The following KLHL29 variants were observed in gnomAD, a reference collection of about 807,000 sequenced individuals.
KLHL29 encodes the protein kelch like family member 29.
KLHL29 carries 21 observed loss-of-function variants against 80.4 expected under a neutral mutation model. The ratio of observed to expected loss-of-function variants is 0.26; its 90% CI spans 0.19 to 0.38. The LOEUF is 0.38. KLHL29 is among the 10% of genes least tolerant of loss of function. KLHL29 has a pLI of 1.00. For missense variants in KLHL29, 867 were observed against 1,223.9 expected (o/e 0.71, Z 4.35); for synonymous variants, 511 against 526.8 (o/e 0.97, Z 0.41).
rs553347263 is a variant in KLHL29, at chr2:23,431,606, G to A, written c.-153-43954G>A. Among the ~76,000 whole-genome samples the A allele has an allele frequency of 8.5e-5, 13 of 152,192 alleles. No individual in the cohort carries two copies. In the South Asian group the frequency reaches 2.7e-3, roughly 32 times the overall value. On this transcript the variant is annotated intron_variant, in intron 1 of 13. Transcript: ENST00000486442. ...TCTTTTTTTTCTTATTAAAAAAGCAGTGAAGGCCGGGCGCGGTGGCTCACG... is the reference window on the plus strand; with the variant it reads ...TCTTTTTTTTCTTATTAAAAAAGCAATGAAGGCCGGGCGCGGTGGCTCACG...
Position 23,546,207 on chromosome 2 carries a change from G to T in KLHL29, c.-45-15945G>T, listed in dbSNP as rs1347325694. ...CAGCCACACATGTGACTGTGGGCAG[G>T]GAATGTGACTGATGGGTGTGAGTAG... On this transcript the variant is annotated intron_variant, in intron 2 of 13. Coordinates refer to ENST00000486442, the MANE Select transcript of KLHL29 (RefSeq NM_052920.2). Among the ~76,000 whole-genome samples, 4 of 152,222 alleles carry T rather than the reference G, an allele frequency of 2.6e-5. No homozygotes were observed. In the East Asian group the frequency reaches 5.8e-4, roughly 22 times the overall value.
intron 2 of KLHL29, among the ~76,000 whole-genome samples, chr2:23,478,382 A>C (rs577030812): frequency 6.6e-6 from 1 of 152,138 alleles, no homozygotes; most frequent in East Asian, 1.9e-4. Flanking sequence ...CCTGGGGATC[A>C]GTGGAAGCAG....
rs186828596 is a variant in KLHL29 at position 23,591,276 on chromosome 2, G to A, written c.285+28795G>A. 2.4e-3 allele frequency among the ~76,000 whole-genome samples: 369 copies of A among 152,230 alleles called. 1 individual carries two copies. Among genetic ancestry groups the A allele is most frequent in the Non-Finnish European group, 3.4e-3 (230 of 67,996 alleles). On this transcript the variant is annotated intron_variant, in intron 3 of 13. Transcript: ENST00000486442. The stretch of plus-strand genomic sequence containing the variant: ...TGGGGCAATTTAGCTGTATCTCTCC[G>A]GCTGCCCTGCAGACTAAACAGGACA...
At position 23,562,254 on chromosome 2, in the gene KLHL29, G is replaced by A. The variant is rs1414289913; in HGVS notation, c.58G>A (p.Glu20Lys). ...RDYRVGWDRR[E>K]WSVNGTHGTT... ...TTACCGGGTGGGCTGGGACCGCCGC[G>A]AATGGAGCGTCAACGGGACGCATGG... The change falls in exon 3 of 14, where the codon GAA becomes AAA. Residue 20 changes from glutamate (E) to lysine (K), a missense_variant. Glu to Lys is a moderately conservative substitution (Grantham distance 56, BLOSUM62 1). Transcript: ENST00000486442. The surrounding 1 kb of genome is among the most constrained non-coding windows in gnomAD (Gnocchi z 4.5). The A allele has an allele frequency of 1.9e-5, 29 of 1,550,342 alleles. No homozygotes were observed. The highest frequency in any genetic ancestry group is 2.4e-5 in the Non-Finnish European group (27 of 1,146,870).
intron 2 of KLHL29, among the ~76,000 whole-genome samples, chr2:23,498,877 C>T (rs755971640): frequency 3.3e-5 from 5 of 152,242 alleles, no homozygotes; most frequent in African/African-American, 9.6e-5. Flanking sequence ...CAAGACTGGG[C>T]GACCTGTCAC....
intron 3 of KLHL29, among the ~76,000 whole-genome samples, chr2:23,624,502 A>G (rs752669844): frequency 9.2e-5 from 14 of 152,132 alleles, no homozygotes; most frequent in Admixed American, 2.0e-4. Flanking sequence ...CACTATCTGT[A>G]TCTATGAGCC....
chr2:23,605,112 T>A (rs1668673263), intron 3 of KLHL29, among the ~76,000 whole-genome samples: 1 of 142,630 alleles, frequency 7.0e-6, no homozygotes, highest in Non-Finnish European at 1.5e-5. Flanking sequence ...TGTTGCTTTT[T>A]TTTTTTTTTT....
intron 3 of KLHL29, among the ~76,000 whole-genome samples, chr2:23,622,022 C>A (rs1173440619): frequency 1.3e-5 from 2 of 152,164 alleles, no homozygotes; most frequent in African/African-American, 4.8e-5. Context: ...CACATTCATC[C>A]CCTTGGGATG....
intron 4 of KLHL29, 129 bp from the exon 5 acceptor site, chr2:23,642,209 G>T (rs917817311): frequency 3.7e-6 from 3 of 810,438 alleles, no homozygotes; most frequent in Middle Eastern, 2.4e-4. Flanking sequence ...ATTCCTAATC[G>T]GTCAGTTCCT....
At chr2:23,501,375 A>G (rs935399260) in intron 2 of KLHL29, among the ~76,000 whole-genome samples, 4 of 152,046 alleles carry the variant, frequency 2.6e-5, no homozygotes, top group Non-Finnish European at 5.9e-5. Flanking sequence ...GAAAGAGGCT[A>G]TACAGGTGCA....
At position 23,525,740 on chromosome 2, in the gene KLHL29, C is replaced by G. The variant is rs1026176693; in HGVS notation, c.-45-36412C>G. Among the ~76,000 whole-genome samples, 59 of 27,646 alleles carry G rather than the reference C, an allele frequency of 2.1e-3. 2 individuals carry two copies. The highest frequency in any genetic ancestry group is 7.8e-3 in the East Asian group (9 of 1,148). 18.1% of individuals were successfully genotyped at this position (27,646 alleles called of 152,430 possible). On this transcript the variant is annotated intron_variant, in intron 2 of 13. Transcript: ENST00000486442. ...CCCCAGCCCCTGCCCCCCCCCCCCA[C>G]CCGAGGCGAGCCAGCAGAGCCAGGG...
chr2:23,397,133 C>T (rs1230693864), intron 1 of KLHL29, among the ~76,000 whole-genome samples: 1 of 152,132 alleles, frequency 6.6e-6, no homozygotes. Flanking sequence ...GAGGGAAGGT[C>T]GCAGGCAGCC....
intron 3 of KLHL29, among the ~76,000 whole-genome samples, chr2:23,614,209 C>T (rs1296272659): frequency 6.6e-6 from 1 of 152,188 alleles, no homozygotes; most frequent in African/African-American, 2.4e-5. Context: ...GTACATCTTA[C>T]ATATATTGAT....
At chr2:23,638,037 A>G (rs949813983) in intron 3 of KLHL29, among the ~76,000 whole-genome samples, 2 of 148,954 alleles carry the variant, frequency 1.3e-5, no homozygotes, top group African/African-American at 5.0e-5. Flanking sequence ...CAACCTTGCC[A>G]GCATGTATCC....
At chr2:23,600,039 T>A (rs1432274320) in intron 3 of KLHL29, among the ~76,000 whole-genome samples, 1 of 152,138 alleles carries the variant, frequency 6.6e-6, no homozygotes, top group Non-Finnish European at 1.5e-5. Context: ...CCTGTTTAAA[T>A]GTGAGGCTAG....
At chr2:23,571,183 G>T (rs186772602) in intron 3 of KLHL29, among the ~76,000 whole-genome samples, 1 of 152,368 alleles carries the variant, frequency 6.6e-6, no homozygotes, top group East Asian at 1.9e-4. Flanking sequence ...ACATGACCCA[G>T]ATTCTTCACC....
intron 5 of KLHL29, among the ~76,000 whole-genome samples, chr2:23,651,485 C>A (rs1670085793): frequency 6.6e-6 from 1 of 152,174 alleles, no homozygotes; most frequent in Non-Finnish European, 1.5e-5. Flanking sequence ...CCAACATCAG[C>A]AAAGTCAACG....
chr2:23,582,028 C>G (rs1050856905), intron 3 of KLHL29, among the ~76,000 whole-genome samples: 3 of 152,064 alleles, frequency 2.0e-5, no homozygotes, highest in South Asian at 2.1e-4. Context: ...CTGGCTGCTC[C>G]AGCTTTGTGG....
intron 2 of KLHL29, among the ~76,000 whole-genome samples, chr2:23,517,372 G>A (rs980494675): frequency 9.2e-5 from 14 of 152,262 alleles, no homozygotes; most frequent in African/African-American, 1.2e-4. Context: ...GTGAAACGCC[G>A]TCTCTACTAA....
Sources: allele counts gnomAD v4.1 joint callset (sites outside exome capture counted in the v4.1 genomes callset), GRCh38; gene constraint gnomAD v4.1.1; non-coding constraint Gnocchi (gnomAD v3.1); transcripts MANE v1.5; gene names NCBI Gene and HGNC (gene_info 2026-07-23, HGNC 2026-07-21).